Variants in LURAP1L observed in about 807,000 individuals in gnomAD.
LURAP1L encodes leucine rich adaptor protein 1-like.
A neutral mutation model predicts 13.8 loss-of-function variants in LURAP1L; 12 were observed. That is an observed-to-expected ratio of 0.87 (90% CI 0.56 to 1.41). The LOEUF (loss-of-function observed/expected upper bound fraction) is 1.41. LURAP1L is among the 40% of genes most tolerant of loss of function. LURAP1L has a pLI of 0.00. For missense variants in LURAP1L, 375 were observed against 292.9 expected (o/e 1.28, Z -2.04); for synonymous variants, 139 against 119.2 (o/e 1.17, Z -1.08).
chr9:12,787,647 A>G (rs1819375777), intron 1 of LURAP1L, among the ~76,000 whole-genome samples: 1 of 152,120 alleles, frequency 6.6e-6, no homozygotes, highest in Admixed American at 6.6e-5. Flanking sequence ...CTCAAAGCAC[A>G]CCATTTCATT....
rs1243465796 is a variant in LURAP1L, at chr9:12,822,917, C to T, written c.*1157C>T. ...GGACTAAACACTCTATAATACAAAT[C>T]AAAAAATCTTCCTTCTTATAACTGA... is the stretch of plus-strand genomic sequence containing the variant. On this transcript the variant is annotated 3_prime_UTR_variant, in exon 2 of 2. Transcript: ENST00000319264. 6.6e-6 allele frequency among the ~76,000 whole-genome samples: 1 copy of T among 152,170 alleles called. No homozygotes were observed. Among genetic ancestry groups the T allele is most frequent in the Non-Finnish European group, 1.5e-5 (1 of 67,976 alleles).
intron 1 of LURAP1L, among the ~76,000 whole-genome samples, chr9:12,817,905 ACT>A (rs1164904061): frequency 6.6e-6 from 1 of 152,028 alleles, no homozygotes; most frequent in Non-Finnish European, 1.5e-5. Context: ...CCAGCCCAGG[ACT>A]CTCTGTGCCT....
At chr9:12,817,555 T>G (rs1040333879) in intron 1 of LURAP1L, among the ~76,000 whole-genome samples, 1 of 152,232 alleles carries the variant, frequency 6.6e-6, no homozygotes, top group Non-Finnish European at 1.5e-5. Context: ...CATATTATGA[T>G]TGATCAGGAA....
At chr9:12,804,296 C>T (rs1819626103) in intron 1 of LURAP1L, among the ~76,000 whole-genome samples, 1 of 151,686 alleles carries the variant, frequency 6.6e-6, no homozygotes, top group African/African-American at 2.4e-5. Flanking sequence ...TCTACATTTG[C>T]ATCAGTTCTA....
In LURAP1L at chr9:12,776,018, G is replaced by T; in HGVS notation, c.303G>T (p.Arg101Ser). Reference protein sequence around the residue: ...ERLETKLHLLRQEMVNLRATD... With the variant: ...ERLETKLHLLSQEMVNLRATD... ...TAGAAACCAAGCTTCACCTCCTCAGGCAAGAGATGGTGAGTGTGGTGCGCC... is the reference window on the plus strand; with the variant it reads ...TAGAAACCAAGCTTCACCTCCTCAGTCAAGAGATGGTGAGTGTGGTGCGCC... The change falls in exon 1 of 2, where the codon AGG becomes AGT. Residue 101 changes from arginine (R) to serine (S), a missense_variant. Transcript: ENST00000319264. 1.9e-6 allele frequency: 3 copies of T among 1,612,694 alleles called. No homozygotes were observed. The highest frequency in any genetic ancestry group is 2.5e-6 in the Non-Finnish European group (3 of 1,179,602).
At chr9:12,778,654 C>T (rs1224039509) in intron 1 of LURAP1L, among the ~76,000 whole-genome samples, 5 of 152,180 alleles carry the variant, frequency 3.3e-5, no homozygotes, top group African/African-American at 7.2e-5. Flanking sequence ...TCTGTAGAGA[C>T]GATGTTTCCA....
At chr9:12,816,978 T>A (rs926854927) in intron 1 of LURAP1L, among the ~76,000 whole-genome samples, 2 of 152,178 alleles carry the variant, frequency 1.3e-5, no homozygotes, top group Admixed American at 6.5e-5. Context: ...TTGCCAAGTG[T>A]TTACAGAACA....
intron 1 of LURAP1L, among the ~76,000 whole-genome samples, chr9:12,785,518 C>T (rs774525417): frequency 2.0e-5 from 3 of 152,154 alleles, no homozygotes; most frequent in African/African-American, 4.8e-5. Flanking sequence ...AGTGTTGATG[C>T]TAGTCAGAAC....
At chr9:12,806,774 T>C (rs1819663333) in intron 1 of LURAP1L, among the ~76,000 whole-genome samples, 1 of 151,974 alleles carries the variant, frequency 6.6e-6, no homozygotes, top group South Asian at 2.1e-4. Context: ...TTTCCATTTC[T>C]AGATTGTAAT....
chr9:12,785,089 G>T (rs1819331114), intron 1 of LURAP1L, among the ~76,000 whole-genome samples: 1 of 150,458 alleles, frequency 6.6e-6, no homozygotes, highest in Admixed American at 6.6e-5. Flanking sequence ...AATCTTGCCA[G>T]GCCTGGTTAT....
chr9:12,787,335 T>C (rs1315732739), intron 1 of LURAP1L, among the ~76,000 whole-genome samples: 1 of 152,180 alleles, frequency 6.6e-6, no homozygotes, highest in Non-Finnish European at 1.5e-5. Flanking sequence ...TATAGGTATA[T>C]ATATATGTAT....
At chr9:12,794,678 T>A (rs527785412) in intron 1 of LURAP1L, among the ~76,000 whole-genome samples, 10 of 152,070 alleles carry the variant, frequency 6.6e-5, no homozygotes, top group Admixed American at 2.0e-4. Context: ...TAAACATACA[T>A]ATTTCCAAAT....
chr9:12,788,555 T>A (rs947222924), intron 1 of LURAP1L, among the ~76,000 whole-genome samples: 4 of 152,152 alleles, frequency 2.6e-5, no homozygotes, highest in African/African-American at 9.6e-5. Flanking sequence ...AAAACTGCAA[T>A]GACCTAAATG....
intron 1 of LURAP1L, among the ~76,000 whole-genome samples, chr9:12,804,286 T>A (rs796570387): frequency 6.6e-5 from 10 of 152,224 alleles, no homozygotes; most frequent in African/African-American, 2.4e-4. Flanking sequence ...ATTGGCCCCA[T>A]CTACATTTGC....
At chr9:12,810,093 G>A (rs927364716) in intron 1 of LURAP1L, among the ~76,000 whole-genome samples, 2 of 152,140 alleles carry the variant, frequency 1.3e-5, no homozygotes, top group African/African-American at 4.8e-5. Context: ...TTCCCTTAGG[G>A]ACAAGCTTTT....
chr9:12,806,656 A>G (rs974655471), intron 1 of LURAP1L, among the ~76,000 whole-genome samples: 3 of 152,192 alleles, frequency 2.0e-5, no homozygotes, highest in African/African-American at 4.8e-5. Flanking sequence ...GTCTATAAAT[A>G]TTCTCAAGGA....
intron 1 of LURAP1L, among the ~76,000 whole-genome samples, chr9:12,804,602 A>G (rs1379398227): frequency 6.6e-6 from 1 of 152,084 alleles, no homozygotes; most frequent in Non-Finnish European, 1.5e-5. Flanking sequence ...CTCGGCCTCC[A>G]AAAGTATTCG....
chr9:12,783,229 G>T (rs1402426549), intron 1 of LURAP1L, among the ~76,000 whole-genome samples: 2 of 151,868 alleles, frequency 1.3e-5, no homozygotes, highest in Admixed American at 1.3e-4. Context: ...CTCTATCTAG[G>T]ACTTCCAGTA....
chr9:12,782,907 A>G lies in LURAP1L; in HGVS notation c.312+6880A>G, dbSNP rs144208009. On this transcript the variant is annotated intron_variant, in intron 1 of 1. Transcript: ENST00000319264. ...ATTCAATTTCTTGCATCGGTATTTT[A>G]TAGTATTCATTGTAGAGATCTTTTA... Among the ~76,000 whole-genome samples the G allele has an allele frequency of 5.2e-3, 790 of 152,174 alleles. 6 individuals are homozygous for G. Among genetic ancestry groups the G allele is most frequent in the Non-Finnish European group, 8.0e-3 (542 of 67,964 alleles).
Sources: allele counts gnomAD v4.1 joint callset (sites outside exome capture counted in the v4.1 genomes callset), GRCh38; gene constraint gnomAD v4.1.1; transcripts MANE v1.5; gene names NCBI Gene and HGNC (gene_info 2026-07-23, HGNC 2026-07-21).